Variants in TRPM3 observed in about 807,000 individuals in gnomAD.
TRPM3 encodes long transient receptor potential channel 3.
TRPM3 carries 77 observed loss-of-function variants against 181.2 expected under a neutral mutation model. That is an observed-to-expected ratio of 0.42 (90% CI 0.35 to 0.51). The LOEUF (loss-of-function observed/expected upper bound fraction) is 0.51, where lower values mean the gene tolerates loss of function less well. Among genes scored for constraint, TRPM3 ranks in the 20% least tolerant of loss-of-function variants. The probability of loss-of-function intolerance (pLI) is 0.01; values close to 1 mark genes in which losing one functional copy is unlikely to be tolerated. For missense variants in TRPM3, 1,759 were observed against 2,196.7 expected (o/e 0.80, Z 3.98); for synonymous variants, 745 against 796.4 (o/e 0.94, Z 1.09).
chr9:70,793,464 A>AT (rs2086077389), intron 6 of TRPM3: 1 of 110,254 alleles, frequency 9.1e-6, no homozygotes. Flanking sequence ...TCAAAAAAAA[A>AT]AAAAAATATA....
At chr9:71,200,360 G>A (rs1378751783) in intron 1 of TRPM3, among the ~76,000 whole-genome samples, 1 of 151,430 alleles carries the variant, frequency 6.6e-6, no homozygotes, top group Non-Finnish European at 1.5e-5. Flanking sequence ...TTGATTTGGG[G>A]TGGAGAGTTC....
intron 1 of TRPM3, among the ~76,000 whole-genome samples, chr9:70,944,760 GACA>G (rs1281654601): frequency 2.0e-5 from 3 of 151,846 alleles, no homozygotes; most frequent in Non-Finnish European, 2.9e-5. Context: ...TGGCCAGAAG[GACA>G]ACATTTATAT....
chr9:71,253,870 C>G (rs542501993), intron 1 of TRPM3, among the ~76,000 whole-genome samples: 1 of 152,004 alleles, frequency 6.6e-6, no homozygotes, highest in South Asian at 2.1e-4. Flanking sequence ...ACTATTCAAC[C>G]GCAAAAAAGA....
In TRPM3 at chr9:71,340,887, C is replaced by T. The variant is rs72735817; in HGVS notation, c.183+105766G>A. Among the ~76,000 whole-genome samples the T allele has an allele frequency of 6.4e-3, 978 of 152,140 alleles. 42 individuals are homozygous for T. In the South Asian group the frequency reaches 0.099, roughly 15 times the overall value. On this transcript the variant is annotated intron_variant, in intron 1 of 24. Transcript: ENST00000357533. ...AGAACAGGAAAACTATACAAGAGAA[C>T]CCTGGATGATTTGGGGTGCCAGAAA... is the stretch of plus-strand genomic sequence containing the variant.
intron 1 of TRPM3, among the ~76,000 whole-genome samples, chr9:71,317,032 C>A (rs983309765): frequency 6.6e-6 from 1 of 152,068 alleles, no homozygotes; most frequent in African/African-American, 2.4e-5. Flanking sequence ...TAAACCATAT[C>A]CCCTATGTTA....
chr9:70,752,870 CAGGCCG>C (rs1459599664), intron 8 of TRPM3, among the ~76,000 whole-genome samples: 3 of 152,026 alleles, frequency 2.0e-5, no homozygotes, highest in Non-Finnish European at 4.4e-5. Flanking sequence ...AGCACTTTGG[CAGGCCG>C]AGGTGGGCAG....
intron 1 of TRPM3, among the ~76,000 whole-genome samples, chr9:70,941,999 GT>G (rs1030980303): frequency 6.6e-6 from 1 of 152,028 alleles, no homozygotes; most frequent in Admixed American, 6.6e-5. Flanking sequence ...AATTCATAGG[GT>G]TTTTTTCCCC....
At position 71,147,450 on chromosome 9, in the gene TRPM3, C is replaced by CACACACACACACAA. The variant is rs2075482499; in HGVS notation, c.184-282940_184-282939insTTGTGTGTGTGTGT. ...ACACACACACACACACACACACACA[C>CACACACACACACAA]ACACACAGCCAGCTAGGCAATAGAA... On this transcript the variant is annotated intron_variant, in intron 1 of 24. Coordinates refer to the TRPM3 transcript ENST00000357533. 2.0e-5 allele frequency among the ~76,000 whole-genome samples: 3 copies of CACACACACACACAA among 151,524 alleles called. No homozygotes were observed. In the South Asian group the frequency reaches 6.3e-4, roughly 32 times the overall value.
At chr9:70,766,438 C>T (rs1302018869) in intron 7 of TRPM3, among the ~76,000 whole-genome samples, 1 of 152,056 alleles carries the variant, frequency 6.6e-6, no homozygotes, top group East Asian at 1.9e-4. Flanking sequence ...AGAGCCCTTC[C>T]TGTGACCCCC....
intron 1 of TRPM3, among the ~76,000 whole-genome samples, chr9:70,923,598 G>T (rs2096682013): frequency 1.3e-5 from 2 of 151,768 alleles, no homozygotes; most frequent in South Asian, 4.2e-4. Flanking sequence ...GATTCCTAAG[G>T]GTCATGTGTC....
chr9:70,803,615 AT>A (rs911574865), intron 6 of TRPM3, among the ~76,000 whole-genome samples: 2 of 151,106 alleles, frequency 1.3e-5, no homozygotes, highest in Non-Finnish European at 1.5e-5. Context: ...CACCCGGCCA[AT>A]TTTTTTTGTA....
intron 7 of TRPM3, among the ~76,000 whole-genome samples, chr9:70,765,130 T>C (rs1588036705): frequency 1.3e-5 from 2 of 152,332 alleles, no homozygotes; most frequent in African/African-American, 2.4e-5. Flanking sequence ...GTCATACTGC[T>C]TGATTACCTC....
chr9:70,947,670 A>G (rs186746248), intron 1 of TRPM3, among the ~76,000 whole-genome samples: 1 of 152,274 alleles, frequency 6.6e-6, no homozygotes, highest in Admixed American at 6.5e-5. Flanking sequence ...GACAATAAGG[A>G]AAGCTGCCCT....
At chr9:70,791,994 C>A (rs556884776) in intron 6 of TRPM3, among the ~76,000 whole-genome samples, 57 of 152,172 alleles carry the variant, frequency 3.7e-4, no homozygotes, top group African/African-American at 1.3e-3. Flanking sequence ...AGAAGCTGGG[C>A]AGTGGATGAG....
rs1339698170 is a variant in TRPM3 at position 70,841,661 on chromosome 9, T to TATATATATGA, written c.801+1341_801+1342insTCATATATAT. On this transcript the variant is annotated intron_variant, in intron 5 of 25. Coordinates refer to ENST00000677713, the MANE Select transcript of TRPM3 (RefSeq NM_001366145.2). Reference sequence around the variant, plus strand: ...ATATATATATATATATATATATATATCCCACCATATATATGTATATATAGA... The same window carrying TATATATATGA: ...ATATATATATATATATATATATATATATATATATGACCCACCATATATATGTATATATAGA... 1.1e-3 allele frequency among the ~76,000 whole-genome samples: 91 copies of TATATATATGA among 86,072 alleles called. 3 individuals are homozygous for TATATATATGA. The highest frequency in any genetic ancestry group is 3.6e-3 in the African/African-American group (76 of 21,046). 56.5% of individuals were successfully genotyped at this position (86,072 alleles called of 152,430 possible).
At chr9:70,977,893 A>T (rs1246338199) in intron 1 of TRPM3, among the ~76,000 whole-genome samples, 1 of 152,172 alleles carries the variant, frequency 6.6e-6, no homozygotes, top group Non-Finnish European at 1.5e-5. Context: ...ACTTTGTTGT[A>T]TTTACCAACC....
intron 1 of TRPM3, among the ~76,000 whole-genome samples, chr9:71,095,381 C>T (rs574211732): frequency 7.6e-5 from 2 of 26,254 alleles, no homozygotes; most frequent in Admixed American, 4.9e-4. Flanking sequence ...TGGGGCACGA[C>T]GGGAGATCCT....
intron 1 of TRPM3, among the ~76,000 whole-genome samples, chr9:71,442,405 C>T (rs986917165): frequency 5.3e-5 from 8 of 152,046 alleles, no homozygotes; most frequent in Non-Finnish European, 1.2e-4. Flanking sequence ...TTTTAAATAG[C>T]TGTGGGGGTA....
chr9:70,978,070 C>G (rs1181715188), intron 1 of TRPM3, among the ~76,000 whole-genome samples: 7 of 152,200 alleles, frequency 4.6e-5, no homozygotes, highest in Admixed American at 2.0e-4. Flanking sequence ...CTTCTGGTGA[C>G]CAGCTCCTAT....
Sources: allele counts gnomAD v4.1 joint callset (sites outside exome capture counted in the v4.1 genomes callset), GRCh38; gene constraint gnomAD v4.1.1; transcripts MANE v1.5; gene names NCBI Gene and HGNC (gene_info 2026-07-23, HGNC 2026-07-21).